The following TIMM23 variants were observed in gnomAD, a reference collection of about 807,000 sequenced individuals.
TIMM23 encodes mitochondrial import inner membrane translocase subunit Tim23.
TIMM23 carries 19 observed loss-of-function variants against 30.7 expected under a neutral mutation model. The observed-to-expected ratio is 0.62, with a 90% CI of 0.43 to 0.91. The LOEUF is 0.91. Among genes scored for constraint, TIMM23 ranks in the 40% least tolerant of loss-of-function variants. The pLI is 0.00. For missense variants in TIMM23, 202 were observed against 269.2 expected (o/e 0.75, Z 1.75); for synonymous variants, 78 against 98.5 (o/e 0.79, Z 1.23).
At chr10:46,001,877 T>C (rs1838550058) in intron 6 of TIMM23, among the ~76,000 whole-genome samples, 1 of 152,224 alleles carries the variant, frequency 6.6e-6, no homozygotes, top group Non-Finnish European at 1.5e-5. Context: ...GTTAGGCCTT[T>C]TTATTTTGAG....
intron 2 of TIMM23, among the ~76,000 whole-genome samples, chr10:45,980,179 A>T (rs1416080205): frequency 2.0e-5 from 3 of 151,264 alleles, no homozygotes; most frequent in Non-Finnish European, 4.4e-5. Flanking sequence ...TAAAACTTTT[A>T]TTTATACTTT....
At chr10:46,002,336 A>G (rs1292627097) in intron 6 of TIMM23, 2 of 162,434 alleles carry the variant, frequency 1.2e-5, no homozygotes, top group African/African-American at 4.8e-5. Context: ...CCACCCCACT[A>G]AGCTAATTTT....
At chr10:45,989,635 G>C (rs1838097403) in intron 6 of TIMM23, among the ~76,000 whole-genome samples, 1 of 151,806 alleles carries the variant, frequency 6.6e-6, no homozygotes, top group Non-Finnish European at 1.5e-5. Context: ...CAGAATTGTT[G>C]GTTTTGTTTT....
chr10:45,987,610 TAA>T (rs1838027946), intron 5 of TIMM23, among the ~76,000 whole-genome samples: 1 of 138,626 alleles, frequency 7.2e-6, no homozygotes. Flanking sequence ...GTATTTATTA[TAA>T]AGATTTTTTT....
intron 6 of TIMM23, among the ~76,000 whole-genome samples, chr10:45,994,786 T>G (rs1176558080): frequency 6.6e-6 from 1 of 151,700 alleles, no homozygotes; most frequent in African/African-American, 2.4e-5. Flanking sequence ...CATTGGGGAT[T>G]GGAAATAGTT....
At chr10:45,984,820 C>T (rs1837950581) in intron 4 of TIMM23, 1 of 246,654 alleles carries the variant, frequency 4.1e-6, no homozygotes, top group African/African-American at 2.3e-5. Flanking sequence ...AGGGTGCTTT[C>T]CCCATGTATT....
At chr10:45,985,512 A>T (rs1308718825) in intron 5 of TIMM23, 71 bp downstream of exon 5, 1 of 1,571,438 alleles carries the variant, frequency 6.4e-7, no homozygotes, top group Non-Finnish European at 8.8e-7. Flanking sequence ...CAATTTGATC[A>T]ACCCATATTC....
rs1554917064 is a variant in TIMM23 at position 45,998,112 on chromosome 10, G to GT, written c.515-5085dup. Among the ~76,000 whole-genome samples the GT allele has an allele frequency of 1.1e-3, 166 of 152,216 alleles. 2 individuals carry two copies. Among genetic ancestry groups the GT allele is most frequent in the African/African-American group, 4.0e-3 (165 of 41,534 alleles). ...TGAGAAGGCTAAGAATGTGTTTTAC[G>GT]TTTTTTAGTTACGTTTTAAATGGTT... On this transcript the variant is annotated intron_variant, in intron 6 of 6. Transcript: ENST00000580018.
chr10:45,995,025 T>C (rs1482771376), intron 6 of TIMM23, among the ~76,000 whole-genome samples: 8 of 151,934 alleles, frequency 5.3e-5, no homozygotes, highest in African/African-American at 7.3e-5. Context: ...TTTCGAGTTA[T>C]TAAGACAGGA....
intron 2 of TIMM23, among the ~76,000 whole-genome samples, chr10:45,976,308 AATG>A (rs1365991216): frequency 0.022 from 3,233 of 150,118 alleles, 80 homozygotes; most frequent in African/African-American, 0.074. Flanking sequence ...CACCCCCTTT[AATG>A]ATTATAAAAA....
intron 6 of TIMM23, among the ~76,000 whole-genome samples, chr10:46,000,898 A>G (rs1361811594): frequency 6.6e-6 from 1 of 152,232 alleles, no homozygotes; most frequent in African/African-American, 2.4e-5. Flanking sequence ...CACCTTGGCT[A>G]TTGCTTGGTC....
intron 4 of TIMM23, 39 bp from the exon 5 acceptor site, chr10:45,985,344 G>T: frequency 1.2e-6 from 2 of 1,611,850 alleles, no homozygotes; most frequent in South Asian, 1.1e-5. Context: ...GAGAAATAAT[G>T]ATTCTAAATA....
rs1318894896 is a variant in TIMM23 at position 45,980,889 on chromosome 10, T to C, written c.166-1634T>C. Among the ~76,000 whole-genome samples, 13 of 152,120 alleles carry C rather than the reference T, an allele frequency of 8.5e-5. No individual in the cohort carries two copies. The South Asian group carries it at 2.7e-3, about 32-fold the overall frequency. On this transcript the variant is annotated intron_variant, in intron 2 of 6. Coordinates refer to ENST00000580018, the MANE Select transcript of TIMM23 (RefSeq NM_006327.4). ...AATGAGTTGGTGCTAACGTGCACTT[T>C]TGCTTGCTTGATAATGTTCATCACA...
intron 6 of TIMM23, among the ~76,000 whole-genome samples, chr10:45,991,446 G>A (rs1646053271): frequency 1.3e-5 from 2 of 152,118 alleles, no homozygotes; most frequent in Admixed American, 1.3e-4. Flanking sequence ...TGAGGAAAAG[G>A]TTGAAATGAA....
chr10:45,992,321 A>G, intron 6 of TIMM23: 2 of 448,756 alleles, frequency 4.5e-6, no homozygotes, highest in Admixed American at 2.4e-5. Flanking sequence ...TTTTTTTGCC[A>G]CTGATTCTCA....
intron 6 of TIMM23, among the ~76,000 whole-genome samples, chr10:45,992,135 T>A (rs1469152607): frequency 6.6e-6 from 1 of 152,020 alleles, no homozygotes; most frequent in Non-Finnish European, 1.5e-5. Context: ...CCCAGCTAAT[T>A]TTTTTCATTG....
rs1304736930 is a variant in TIMM23 at position 45,975,226 on chromosome 10, T to G, written c.107-228T>G. Among the ~76,000 whole-genome samples the G allele has an allele frequency of 1.5e-3, 233 of 152,356 alleles. 2 individuals carry two copies. Among genetic ancestry groups the G allele is most frequent in the Non-Finnish European group, 3.7e-4 (25 of 68,036 alleles). On this transcript the variant is annotated intron_variant, in intron 1 of 6. Coordinates refer to ENST00000580018, the MANE Select transcript of TIMM23 (RefSeq NM_006327.4). ...ATCTATGACACTGCAATTATCTTAT[T>G]GGTGTAAAAGCCTGAGCCACCAGTG...
chr10:45,983,023 T>G, intron 4 of TIMM23, 93 bp downstream of exon 4: 1 of 1,528,154 alleles, frequency 6.5e-7, no homozygotes, highest in Non-Finnish European at 9.0e-7. Context: ...TTACAGATGG[T>G]TAGCATAGTT....
chr10:45,983,856 A>G (rs1837921598), intron 4 of TIMM23, among the ~76,000 whole-genome samples: 1 of 151,966 alleles, frequency 6.6e-6, no homozygotes, highest in African/African-American at 2.4e-5. Flanking sequence ...TGATCCTCCC[A>G]CCTCAGCCTC....
Sources: allele counts gnomAD v4.1 joint callset (sites outside exome capture counted in the v4.1 genomes callset), GRCh38; gene constraint gnomAD v4.1.1; transcripts MANE v1.5; gene names NCBI Gene and HGNC (gene_info 2026-07-23, HGNC 2026-07-21).